The following NFE2L3 variants were observed in gnomAD, a reference collection of about 807,000 sequenced individuals.
The protein encoded by NFE2L3 is NFE2 like bZIP transcription factor 3, also known as nuclear factor erythroid 2-related factor 3.
In NFE2L3, 18 loss-of-function variants were observed where a neutral mutation model predicts 23.5. That is an observed-to-expected ratio of 0.77 (90% CI 0.53 to 1.13). The LOEUF (loss-of-function observed/expected upper bound fraction) is 1.13. Among genes scored for constraint, NFE2L3 ranks in the 50% most tolerant of loss-of-function variants. The probability of loss-of-function intolerance (pLI) is 0.00; values close to 1 mark genes in which losing one functional copy is unlikely to be tolerated. For synonymous variants in NFE2L3, 424 were observed against 354.5 expected (o/e 1.20, Z -2.20); for missense variants, 1,152 against 877.2 (o/e 1.31, Z -3.96).
chr7:26,160,159 TGCTGCTTAG>T (rs1209941359), intron 1 of NFE2L3, among the ~76,000 whole-genome samples: 1 of 152,162 alleles, frequency 6.6e-6, no homozygotes, highest in Non-Finnish European at 1.5e-5. Context: ...GGTCTTGCCA[TGCTGCTTAG>T]GCTGCTCTCA....
At chr7:26,179,158 GATACTAA>G (rs1784463838) in intron 2 of NFE2L3, among the ~76,000 whole-genome samples, 4 of 143,064 alleles carry the variant, frequency 2.8e-5, no homozygotes, top group African/African-American at 1.1e-4. Flanking sequence ...ATAAATTCTA[GATACTAA>G]TGAAAATCGC....
chr7:26,184,660 T>G lies in NFE2L3; in HGVS notation c.962T>G (p.Leu321Arg). The G allele has an allele frequency of 6.2e-7, 1 of 1,613,956 alleles. No individual in the cohort carries two copies. Among genetic ancestry groups the G allele is most frequent in the Non-Finnish European group, 8.5e-7 (1 of 1,179,850 alleles). ...QDVNLHEAIL[L>R]CPNNTFRRDP... ...GTGAATCTTCATGAGGCCATCTTGCTTTGTCCCAACAATACATTTAGAAGA... is the reference window on the plus strand; with the variant it reads ...GTGAATCTTCATGAGGCCATCTTGCGTTGTCCCAACAATACATTTAGAAGA... Residue 321 changes from leucine to arginine, a missense_variant, in exon 4 of 4, where the codon CTT becomes CGT. Coordinates refer to ENST00000056233, the MANE Select transcript of NFE2L3 (RefSeq NM_004289.7).
intron 1 of NFE2L3, among the ~76,000 whole-genome samples, chr7:26,162,207 C>T (rs1331072236): frequency 1.3e-5 from 2 of 151,664 alleles, no homozygotes; most frequent in East Asian, 3.9e-4. Context: ...AAAATATTAG[C>T]GAGGAGAACT....
In NFE2L3 at chr7:26,182,308, T is replaced by C. The variant is rs188248003; in HGVS notation, c.751-1393T>C. Among the ~76,000 whole-genome samples, 1,082 of 126,806 alleles carry C rather than the reference T, an allele frequency of 8.5e-3. 14 individuals carry two copies. The highest frequency in any genetic ancestry group is 0.041 in the African/African-American group (1,035 of 25,392). The allele number at this position is 126,806 out of a possible 152,430, so 83.2% of individuals were successfully genotyped here. ...CCTTATATTTTTACCAGTTAACTCA[T>C]CATTTAAGCATGAAGGCAAAATAAT... is the stretch of plus-strand genomic sequence containing the variant. On this transcript the variant is annotated intron_variant, in intron 2 of 3. Coordinates refer to ENST00000056233, the MANE Select transcript of NFE2L3 (RefSeq NM_004289.7).
chr7:26,185,377 A>C lies in NFE2L3; in HGVS notation c.1679A>C (p.Asp560Ala). 1 of 1,614,118 alleles carries C rather than the reference A, an allele frequency of 6.2e-7. No individual in the cohort carries two copies. Among genetic ancestry groups the C allele is most frequent in the Non-Finnish European group, 8.5e-7 (1 of 1,179,992 alleles). ...SVDEIVGMPVDSFNSMLSRYY... is the reference protein window; with the variant it reads ...SVDEIVGMPVASFNSMLSRYY... ...GATGAAATTGTCGGCATGCCTGTTG[A>C]TTCTTTCAATAGCATGTTAAGTAGA... Residue 560 changes from aspartate to alanine, a missense_variant, in exon 4 of 4, where the codon GAT becomes GCT. Asp to Ala is a moderately radical substitution (Grantham distance 126, BLOSUM62 -2). Coordinates refer to ENST00000056233, the MANE Select transcript of NFE2L3 (RefSeq NM_004289.7).
intron 1 of NFE2L3, among the ~76,000 whole-genome samples, chr7:26,158,370 G>C (rs1021690454): frequency 7.2e-5 from 11 of 152,120 alleles, no homozygotes; most frequent in African/African-American, 2.7e-4. Flanking sequence ...CAAAGTATGG[G>C]GGTTAGGAGT....
chr7:26,185,607 A>C lies in NFE2L3; in HGVS notation c.1909A>C (p.Lys637Gln), dbSNP rs754387652. Residue 637 changes from lysine to glutamine, a missense_variant, in exon 4 of 4, where the codon AAA becomes CAA. Lys to Gln is a moderately conservative substitution (Grantham distance 53). Transcript: ENST00000056233. The stretch of plus-strand genomic sequence containing the variant: ...CAAAGCTATTAACATAATGAAACAG[A>C]AACTGCATGACCTTTATCATGATAT... ...CNKAINIMKQ[K>Q]LHDLYHDIFS... The C allele has an allele frequency of 6.2e-7, 1 of 1,613,686 alleles. No individual in the cohort carries two copies. Among genetic ancestry groups the C allele is most frequent in the African/African-American group, 1.3e-5 (1 of 74,912 alleles).
At chr7:26,161,429 C>T (rs953147098) in intron 1 of NFE2L3, among the ~76,000 whole-genome samples, 4 of 140,716 alleles carry the variant, frequency 2.8e-5, no homozygotes, top group Admixed American at 7.7e-5. Context: ...AAATGAGAGC[C>T]TCCTGGGGCA....
In NFE2L3 at chr7:26,186,031, C is replaced by G; in HGVS notation, c.*248C>G. 1 of 340,014 alleles carries G rather than the reference C, an allele frequency of 2.9e-6. No individual in the cohort carries two copies. The highest frequency in any genetic ancestry group is 4.5e-5 in the Admixed American group (1 of 22,354). 21.1% of individuals were successfully genotyped at this position (340,014 alleles called of 1,614,324 possible). A position where few individuals can be genotyped will look rare whatever the true frequency, so the allele number is the denominator to read the frequency against. ...TGTATACAAAATTCATAGTTATGTC[C>G]AAAGAATAGGTTAACATGAAAACCC... On this transcript the variant is annotated 3_prime_UTR_variant, in exon 4 of 4. Coordinates refer to ENST00000056233, the MANE Select transcript of NFE2L3 (RefSeq NM_004289.7).
chr7:26,184,817 G>A lies in NFE2L3; in HGVS notation c.1119G>A (p.Arg373=), dbSNP rs763200630. ...GFLSPVDNHM[R]NLTSQDLLYD... is the part of the protein sequence containing the mutation. ...TTTCACCGGTTGACAATCATATGAG[G>A]AATCTAACAAGCCAAGACCTACTGT... Residue 373 remains arginine (R), a synonymous_variant, in exon 4 of 4, where the codon AGG becomes AGA. Coordinates refer to ENST00000056233, the MANE Select transcript of NFE2L3 (RefSeq NM_004289.7). The A allele has an allele frequency of 8.1e-6, 13 of 1,613,766 alleles. No individual in the cohort carries two copies. Among genetic ancestry groups the A allele is most frequent in the African/African-American group, 1.3e-5 (1 of 74,898 alleles).
intron 1 of NFE2L3, among the ~76,000 whole-genome samples, chr7:26,165,724 C>G (rs921686625): frequency 6.6e-6 from 1 of 152,090 alleles, no homozygotes; most frequent in African/African-American, 2.4e-5. Context: ...CTGTCTTGTG[C>G]CAGTTTTCAA....
rs1315566005 is a variant in NFE2L3, at chr7:26,186,859, T to TA, written c.*1078dup. The TA allele has an allele frequency of 6.6e-6, 1 of 152,172 alleles. No homozygotes were observed. The highest frequency in any genetic ancestry group is 1.9e-4 in the East Asian group (1 of 5,196). 9.4% of individuals were successfully genotyped at this position (152,172 alleles called of 1,614,324 possible). Reference sequence around the variant, plus strand: ...TAGCATTTGAAATGAAAACCTCACTTAAGTTCACTAGAACAGTAAACAGGA... The same window carrying TA: ...TAGCATTTGAAATGAAAACCTCACTTAAAGTTCACTAGAACAGTAAACAGGA... On this transcript the variant is annotated 3_prime_UTR_variant, in exon 4 of 4. Coordinates refer to ENST00000056233, the MANE Select transcript of NFE2L3 (RefSeq NM_004289.7).
chr7:26,161,502 A>G (rs1304224961), intron 1 of NFE2L3, among the ~76,000 whole-genome samples: 1 of 151,902 alleles, frequency 6.6e-6, no homozygotes, highest in South Asian at 2.1e-4. Context: ...ATACCTCTGG[A>G]GTTTTCCAGA....
rs1274459547 is a variant in NFE2L3, at chr7:26,186,804, A to G, written c.*1021A>G. The stretch of plus-strand genomic sequence containing the variant: ...AAAAAAAACAGGTGAATTTGAAAAT[A>G]AACCAGGGTAAGGTAAATTCTAGAA... On this transcript the variant is annotated 3_prime_UTR_variant, in exon 4 of 4. Transcript: ENST00000056233. 2.6e-5 allele frequency: 4 copies of G among 152,246 alleles called. No individual in the cohort carries two copies. The highest frequency in any genetic ancestry group is 9.6e-5 in the African/African-American group (4 of 41,466). 9.4% of individuals were successfully genotyped at this position (152,246 alleles called of 1,614,324 possible).
At position 26,186,967 on chromosome 7, in the gene NFE2L3, T is replaced by C. The variant is rs552440052; in HGVS notation, c.*1184T>C. 2.6e-5 allele frequency: 4 copies of C among 152,338 alleles called. No individual in the cohort carries two copies. In the South Asian group the frequency reaches 8.3e-4, roughly 32 times the overall value. The allele number at this position is 152,338 out of a possible 1,614,324, so 9.4% of individuals were successfully genotyped here. On this transcript the variant is annotated 3_prime_UTR_variant, in exon 4 of 4. Transcript: ENST00000056233. ...AACATCAAGATTTTGACGGGTACTA[T>C]AATGCTTAATATGTCCAAATTTTCA... is the stretch of plus-strand genomic sequence containing the variant.
At chr7:26,175,192 C>CAA (rs55911511) in intron 1 of NFE2L3, among the ~76,000 whole-genome samples, 1,129 of 101,764 alleles carry the variant, frequency 0.011, 20 homozygotes, top group African/African-American at 0.033. Flanking sequence ...TAAAAAATAC[C>CAA]AAAAAAAAAA....
At chr7:26,166,163 G>A (rs866450367) in intron 1 of NFE2L3, among the ~76,000 whole-genome samples, 3 of 152,098 alleles carry the variant, frequency 2.0e-5, no homozygotes, top group Non-Finnish European at 4.4e-5. Context: ...ACCCTGGATG[G>A]CTCAATGGAA....
chr7:26,180,381 T>C (rs1169882818), intron 2 of NFE2L3, among the ~76,000 whole-genome samples: 1 of 152,192 alleles, frequency 6.6e-6, no homozygotes. Context: ...TCCCAGCTGG[T>C]ATTCTCCCCA....
At position 26,184,833 on chromosome 7, in the gene NFE2L3, G is replaced by T; in HGVS notation, c.1135G>T (p.Asp379Tyr). The change falls in exon 4 of 4, where the codon GAC becomes TAC. Residue 379 changes from aspartate to tyrosine, a missense_variant. Asp to Tyr is a radical substitution (Grantham distance 160, BLOSUM62 -3). Coordinates refer to ENST00000056233, the MANE Select transcript of NFE2L3 (RefSeq NM_004289.7). ...DNHMRNLTSQ[D>Y]LLYDLDINIF... is the part of the protein sequence containing the mutation. ...TCATATGAGGAATCTAACAAGCCAA[G>T]ACCTACTGTATGACCTTGACATAAA... 11 of 1,613,922 alleles carry T rather than the reference G, an allele frequency of 6.8e-6. No individual in the cohort carries two copies. The highest frequency in any genetic ancestry group is 9.3e-6 in the Non-Finnish European group (11 of 1,179,838).
Sources: gnomAD v4.1 joint callset for allele counts (sites outside exome capture counted in the v4.1 genomes callset) on GRCh38, gnomAD v4.1.1 for gene constraint, MANE v1.5 for transcripts, NCBI Gene and HGNC (gene_info 2026-07-23, HGNC 2026-07-21) for gene names.